Variants in EDA observed in about 807,000 individuals in gnomAD.
EDA encodes the protein ectodysplasin-A.
EDA carries 2 observed loss-of-function variants against 23.6 expected under a neutral mutation model. The ratio of observed to expected loss-of-function variants is 0.08; its 90% CI spans 0.03 to 0.27. The LOEUF (loss-of-function observed/expected upper bound fraction) is 0.27, where lower values mean the gene tolerates loss of function less well. Among genes scored for constraint, EDA ranks in the 10% least tolerant of loss-of-function variants. The pLI is 1.00. For missense variants in EDA, 229 were observed against 324.2 expected, an observed-to-expected ratio of 0.71 and a Z score of 2.26; for synonymous variants, 131 against 132.0, an observed-to-expected ratio of 0.99 and a Z score of 0.05.
rs769913622 is a variant in EDA, at chrX:69,854,319, G to A, written c.397-102708G>A. ...AGCGATTCTCCAGTCTCAGCCTCCC[G>A]TGTAGCTGCGATTATAGGCACCTGC... On this transcript the variant is annotated intron_variant, in intron 1 of 7. Transcript: ENST00000374552. Among the ~76,000 whole-genome samples the A allele has an allele frequency of 8.1e-5, 9 of 110,757 alleles. No homozygotes were observed. The South Asian group carries it at 1.2e-3, about 14-fold the overall frequency.
At chrX:69,748,668 G>C (rs1440565364) in intron 1 of EDA, among the ~76,000 whole-genome samples, 1 of 111,639 alleles carries the variant, frequency 9.0e-6, no homozygotes. Context: ...ATGGACTCTT[G>C]AGCTGCCTGG....
chrX:69,990,756 T>C (rs868708183), intron 2 of EDA, among the ~76,000 whole-genome samples: 5 of 107,589 alleles, frequency 4.6e-5, no homozygotes, highest in African/African-American at 1.7e-4. Context: ...TTTTTTTTTT[T>C]CTGTCTGTTC....
At chrX:69,638,656 G>T (rs1297792121) in intron 1 of EDA, among the ~76,000 whole-genome samples, 2 of 111,761 alleles carry the variant, frequency 1.8e-5, no homozygotes, top group Non-Finnish European at 3.8e-5. Context: ...CTTTCTCTGG[G>T]TTAGTCTGAG....
chrX:69,966,081 G>A (rs1209276395), intron 2 of EDA, among the ~76,000 whole-genome samples: 1 of 111,761 alleles, frequency 8.9e-6, no homozygotes, highest in East Asian at 2.8e-4. Context: ...GTCATGATAT[G>A]CCATTTTCTA....
intron 1 of EDA, among the ~76,000 whole-genome samples, chrX:69,700,813 G>A (rs2011514103): frequency 9.0e-6 from 1 of 111,231 alleles, no homozygotes; most frequent in East Asian, 2.8e-4. Flanking sequence ...GAGGTTGGAG[G>A]AGTAGAAGAA....
intron 1 of EDA, among the ~76,000 whole-genome samples, chrX:69,689,766 A>G (rs1934655636): frequency 8.9e-6 from 1 of 111,756 alleles, no homozygotes; most frequent in Admixed American, 9.5e-5. Flanking sequence ...GAGTATTGCC[A>G]TCTTAACAAT....
chrX:69,663,302 T>A (rs968686161), intron 1 of EDA, among the ~76,000 whole-genome samples: 2 of 111,928 alleles, frequency 1.8e-5, no homozygotes, highest in African/African-American at 6.5e-5. Flanking sequence ...CCCCCTGCTG[T>A]ATGTGCAGCC....
At chrX:69,934,440 G>T (rs2018642968) in intron 1 of EDA, among the ~76,000 whole-genome samples, 1 of 110,450 alleles carries the variant, frequency 9.1e-6, no homozygotes, top group African/African-American at 3.3e-5. Flanking sequence ...GATCCTACAG[G>T]GCAGACCAAC....
At chrX:69,929,706 T>TTGTGTGTGTGTGTG (rs4007701) in intron 1 of EDA, among the ~76,000 whole-genome samples, 3 of 84,332 alleles carry the variant, frequency 3.6e-5, no homozygotes, top group Non-Finnish European at 4.6e-5. Flanking sequence ...CATTCTATTT[T>TTGTGTGTGTGTGTG]TGTGTGTGTG....
chrX:69,877,319 C>A (rs12859728), intron 1 of EDA, among the ~76,000 whole-genome samples: 33,100 of 110,605 alleles, frequency 0.3, 4,691 homozygotes, highest in Middle Eastern at 0.54. Context: ...AATGACCATA[C>A]CATTTTGCAT....
At chrX:69,807,636 C>T (rs899715509) in intron 1 of EDA, among the ~76,000 whole-genome samples, 2 of 108,682 alleles carry the variant, frequency 1.8e-5, no homozygotes, top group Non-Finnish European at 3.8e-5. Flanking sequence ...ACCTACCAAT[C>T]ACTTCTAATG....
chrX:69,648,374 C>T (rs914399497), intron 1 of EDA, among the ~76,000 whole-genome samples: 9 of 111,891 alleles, frequency 8.0e-5, no homozygotes, highest in African/African-American at 2.3e-4. Context: ...GAGCTCTATC[C>T]GTAGAACCCT....
intron 1 of EDA, among the ~76,000 whole-genome samples, chrX:69,763,400 T>C (rs2014370290): frequency 8.9e-6 from 1 of 111,884 alleles, no homozygotes; most frequent in Non-Finnish European, 1.9e-5. Context: ...GAGATGTTTA[T>C]TGGTAAATGA....
At chrX:69,655,188 G>A (rs1394378624) in intron 1 of EDA, among the ~76,000 whole-genome samples, 2 of 111,488 alleles carry the variant, frequency 1.8e-5, no homozygotes, top group Non-Finnish European at 3.8e-5. Flanking sequence ...CTGAGGTCGG[G>A]AGTTCGAGAC....
chrX:69,895,188 C>T (rs10442434), intron 1 of EDA, among the ~76,000 whole-genome samples: 7,444 of 111,079 alleles, frequency 0.067, 279 homozygotes, highest in East Asian at 0.21. Flanking sequence ...GCTTTTAGTT[C>T]TGTTTATGTG....
At chrX:69,981,941 C>A (rs749755828) in intron 2 of EDA, among the ~76,000 whole-genome samples, 1 of 111,238 alleles carries the variant, frequency 9.0e-6, no homozygotes, top group South Asian at 3.8e-4. Context: ...CTTGTAGTAT[C>A]CACTGTTATG....
At chrX:69,655,762 C>CTATATATATATCTATA (rs1555977669) in intron 1 of EDA, among the ~76,000 whole-genome samples, 1 of 52,503 alleles carries the variant, frequency 1.9e-5, no homozygotes, top group African/African-American at 1.1e-4. Context: ...TCATTAGAAT[C>CTATATATATATCTATA]TATATATATA....
chrX:69,959,301 G>A (rs1361154650), intron 2 of EDA, among the ~76,000 whole-genome samples: 6 of 111,590 alleles, frequency 5.4e-5, no homozygotes, highest in Non-Finnish European at 9.4e-5. Context: ...ATAGCTTGGA[G>A]GAATCCAAGA....
chrX:69,863,154 C>T (rs5936782), intron 1 of EDA, among the ~76,000 whole-genome samples: 25,284 of 109,082 alleles, frequency 0.23, 2,323 homozygotes, highest in African/African-American at 0.31. Context: ...CCTCCATCCT[C>T]TCTCTTGCCT....
Sources: allele counts gnomAD v4.1 joint callset (sites outside exome capture counted in the v4.1 genomes callset), GRCh38; gene constraint gnomAD v4.1.1; transcripts MANE v1.5; gene names NCBI Gene and HGNC (gene_info 2026-07-23, HGNC 2026-07-21).